The following PARD3B variants were observed in gnomAD, a reference collection of about 807,000 sequenced individuals.
The protein encoded by PARD3B is par-3 family cell polarity regulator beta, also known as partitioning defective 3 homolog B.
PARD3B carries 103 observed loss-of-function variants against 130.2 expected under a neutral mutation model. The observed-to-expected ratio is 0.79, with a 90% CI of 0.67 to 0.93. The LOEUF (loss-of-function observed/expected upper bound fraction) is 0.93. Among genes scored for constraint, PARD3B ranks in the 40% least tolerant of loss-of-function variants. The pLI is 0.00. For missense variants in PARD3B, 1,609 were observed against 1,499.2 expected (o/e 1.07, Z -1.21); for synonymous variants, 583 against 553.2 (o/e 1.05, Z -0.76).
At chr2:205,054,388 A>G (rs1175262370) in intron 4 of PARD3B, among the ~76,000 whole-genome samples, 1 of 119,828 alleles carries the variant, frequency 8.3e-6, no homozygotes, top group Non-Finnish European at 1.8e-5. Flanking sequence ...TTAACAAGGT[A>G]ACCATGACAT....
Position 204,836,606 on chromosome 2 carries a change from C to T in PARD3B, c.223-128546C>T, listed in dbSNP as rs115330863. ...TGAACCCAGGAGGCGGAAGTTGGTG[C>T]GCCAAGATCGTGCCACTGCACTCCA... On this transcript the variant is annotated intron_variant, in intron 2 of 22. Transcript: ENST00000406610. 7.3e-3 allele frequency among the ~76,000 whole-genome samples: 1,107 copies of T among 152,164 alleles called. 10 individuals carry two copies. The highest frequency in any genetic ancestry group is 0.024 in the African/African-American group (996 of 41,518).
chr2:205,593,764 G>T (rs2054474454), intron 22 of PARD3B, among the ~76,000 whole-genome samples: 1 of 152,160 alleles, frequency 6.6e-6, no homozygotes, highest in Admixed American at 6.5e-5. Flanking sequence ...GTATGACCTT[G>T]TTGGCTGTGG....
intron 1 of PARD3B, among the ~76,000 whole-genome samples, chr2:204,561,718 C>T (rs2031322296): frequency 1.3e-5 from 2 of 151,858 alleles, no homozygotes; most frequent in Admixed American, 6.6e-5. Flanking sequence ...GCCTCAGCCT[C>T]CCGAGTAGCT....
chr2:204,728,054 A>G (rs1308483330), intron 2 of PARD3B, among the ~76,000 whole-genome samples: 2 of 152,154 alleles, frequency 1.3e-5, no homozygotes, highest in African/African-American at 4.8e-5. Flanking sequence ...AAGAAAGCCT[A>G]AAGGCACTTA....
chr2:204,721,438 T>C (rs1183849798), intron 2 of PARD3B, among the ~76,000 whole-genome samples: 1 of 152,124 alleles, frequency 6.6e-6, no homozygotes, highest in African/African-American at 2.4e-5. Flanking sequence ...GCATCTCTAG[T>C]AGTTGTTGCC....
intron 4 of PARD3B, among the ~76,000 whole-genome samples, chr2:205,070,998 T>TAA (rs940874630): frequency 2.7e-5 from 4 of 146,334 alleles, no homozygotes; most frequent in Non-Finnish European, 6.0e-5. Context: ...ACTGTTAATG[T>TAA]AAAAAAAAAA....
At chr2:204,746,476 T>C (rs984569868) in intron 2 of PARD3B, among the ~76,000 whole-genome samples, 2 of 152,154 alleles carry the variant, frequency 1.3e-5, no homozygotes, top group African/African-American at 2.4e-5. Flanking sequence ...GCATGATTTA[T>C]AATCCTTTGG....
At chr2:205,270,671 C>T (rs2040689714) in intron 16 of PARD3B, among the ~76,000 whole-genome samples, 3 of 152,004 alleles carry the variant, frequency 2.0e-5, no homozygotes, top group Admixed American at 6.6e-5. Flanking sequence ...TAGAAATGGG[C>T]GGCTGCTAGC....
intron 2 of PARD3B, among the ~76,000 whole-genome samples, chr2:204,861,776 C>T (rs568906764): frequency 2.0e-5 from 3 of 151,842 alleles, no homozygotes; most frequent in African/African-American, 7.2e-5. Flanking sequence ...GGGAAGCATG[C>T]AGATAAAACG....
Position 205,301,849 on chromosome 2 carries a change from C to G in PARD3B, c.2630+148C>G, listed in dbSNP as rs74638497. 12,293 of 1,296,036 alleles carry G rather than the reference C, an allele frequency of 9.5e-3. 756 individuals are homozygous for G. In the African/African-American group the frequency reaches 0.14, roughly 15 times the overall value. The allele number at this position is 1,296,036 out of a possible 1,614,324, so 80.3% of individuals were successfully genotyped here. ...TCTCAATTCTGTGCTCGTTCTCTTT[C>G]TGCAGAGGCAGAGGAGCTTTTTGGG... On this transcript the variant is annotated intron_variant, in intron 18 of 22. Transcript: ENST00000406610. The surrounding 1 kb of genome is among the most constrained non-coding windows in gnomAD (Gnocchi z 5.2).
At chr2:205,435,179 T>G (rs1448124675) in intron 19 of PARD3B, among the ~76,000 whole-genome samples, 3 of 152,144 alleles carry the variant, frequency 2.0e-5, no homozygotes, top group Non-Finnish European at 2.9e-5. Context: ...GAATTTTTTG[T>G]GTATTCTTCC....
At chr2:204,938,881 A>G (rs1313584381) in intron 2 of PARD3B, among the ~76,000 whole-genome samples, 2 of 152,180 alleles carry the variant, frequency 1.3e-5, no homozygotes, top group African/African-American at 4.8e-5. Flanking sequence ...CTCAGTACAT[A>G]TATCTGGATG....
intron 21 of PARD3B, among the ~76,000 whole-genome samples, chr2:205,508,549 G>A (rs2050463442): frequency 6.7e-6 from 1 of 148,418 alleles, no homozygotes; most frequent in African/African-American, 2.5e-5. Flanking sequence ...TCCAGCTCGG[G>A]CAACAGAGCA....
intron 10 of PARD3B, among the ~76,000 whole-genome samples, chr2:205,141,619 T>G (rs999044374): frequency 5.9e-5 from 9 of 152,218 alleles, no homozygotes; most frequent in Non-Finnish European, 1.3e-4. Flanking sequence ...GCTATTTTCT[T>G]GCATAGCTCA....
At chr2:205,028,352 C>T (rs1457023953) in intron 3 of PARD3B, among the ~76,000 whole-genome samples, 1 of 152,050 alleles carries the variant, frequency 6.6e-6, no homozygotes, top group Non-Finnish European at 1.5e-5. Flanking sequence ...ATTCAATATT[C>T]TTTCATAATT....
chr2:204,984,791 A>G lies in PARD3B; in HGVS notation c.394+19468A>G, dbSNP rs371587726. Among the ~76,000 whole-genome samples, 80 of 152,214 alleles carry G rather than the reference A, an allele frequency of 5.3e-4. No individual in the cohort carries two copies. The South Asian group carries it at 6.2e-3, about 12-fold the overall frequency. On this transcript the variant is annotated intron_variant, in intron 3 of 22. Transcript: ENST00000406610. ...CACTTAGATATGGGATTAATGGTGCAGATCCATCAACTAAGAGCCCTGTGT... is the reference window on the plus strand; with the variant it reads ...CACTTAGATATGGGATTAATGGTGCGGATCCATCAACTAAGAGCCCTGTGT...
At chr2:205,347,348 A>T (rs2105832050) in intron 18 of PARD3B, among the ~76,000 whole-genome samples, 1 of 152,342 alleles carries the variant, frequency 6.6e-6, no homozygotes. Context: ...TGAGTAAAAT[A>T]ACCCCTTAAA....
chr2:204,911,164 T>A (rs2047221818), intron 2 of PARD3B, among the ~76,000 whole-genome samples: 1 of 152,114 alleles, frequency 6.6e-6, no homozygotes, highest in South Asian at 2.1e-4. Context: ...CCTGAATAAA[T>A]GAAGGAAAAA....
intron 1 of PARD3B, among the ~76,000 whole-genome samples, chr2:204,629,678 A>G (rs2034613219): frequency 2.0e-5 from 3 of 152,158 alleles, no homozygotes; most frequent in African/African-American, 7.2e-5. Flanking sequence ...TAGTGCTAAG[A>G]TTTTTACCTG....
Sources: gnomAD v4.1 joint callset for allele counts (sites outside exome capture counted in the v4.1 genomes callset) on GRCh38, gnomAD v4.1.1 for gene constraint, Gnocchi (gnomAD v3.1) non-coding constraint, MANE v1.5 for transcripts, NCBI Gene and HGNC (gene_info 2026-07-23, HGNC 2026-07-21) for gene names.